The following CACNB2 variants were observed in gnomAD, a reference collection of about 807,000 sequenced individuals.
CACNB2 encodes the protein calcium voltage-gated channel auxiliary subunit beta 2.
Under a neutral mutation model 73.3 loss-of-function variants are expected in CACNB2, and 42 were observed. The ratio of observed to expected loss-of-function variants is 0.57; its 90% CI spans 0.45 to 0.74. CACNB2 has a LOEUF of 0.74. Ranked by LOEUF, CACNB2 falls within the 30% of genes least tolerant of loss-of-function variation. The pLI, the probability that CACNB2 is intolerant of heterozygous loss-of-function variation, is 0.00. For synonymous variants in CACNB2, 348 were observed against 310.3 expected, an observed-to-expected ratio of 1.12 and a Z score of -1.28; for missense variants, 940 against 853.0, an observed-to-expected ratio of 1.10 and a Z score of -1.27.
intron 2 of CACNB2, among the ~76,000 whole-genome samples, chr10:18,211,126 T>G (rs2035299345): frequency 6.6e-6 from 1 of 152,122 alleles, no homozygotes; most frequent in Admixed American, 6.6e-5. Context: ...TAAACAGACT[T>G]GGAGGCGGAG....
At chr10:18,376,340 A>G (rs1387177392) in intron 2 of CACNB2, among the ~76,000 whole-genome samples, 1 of 152,190 alleles carries the variant, frequency 6.6e-6, no homozygotes, top group East Asian at 1.9e-4. Context: ...AGCATGTACC[A>G]GAGACTGGGA....
At chr10:18,151,987 A>G (rs539439724) in intron 2 of CACNB2, among the ~76,000 whole-genome samples, 2 of 152,148 alleles carry the variant, frequency 1.3e-5, no homozygotes, top group South Asian at 2.1e-4. Context: ...TATAAATCCT[A>G]TATGACCTTT....
chr10:18,153,860 G>A (rs1007437350), intron 2 of CACNB2, among the ~76,000 whole-genome samples: 1 of 147,652 alleles, frequency 6.8e-6, no homozygotes, highest in African/African-American at 2.5e-5. Context: ...GGGATTACAG[G>A]CATGAGCAAC....
intron 1 of CACNB2, among the ~76,000 whole-genome samples, chr10:18,143,088 T>G (rs765603892): frequency 1.3e-5 from 2 of 152,186 alleles, no homozygotes; most frequent in African/African-American, 2.4e-5. Context: ...AAGAGCATGG[T>G]AAGGTCAAGA....
At chr10:18,241,083 A>G (rs2036631096) in intron 2 of CACNB2, among the ~76,000 whole-genome samples, 1 of 152,206 alleles carries the variant, frequency 6.6e-6, no homozygotes, top group Non-Finnish European at 1.5e-5. Flanking sequence ...ACTCAAAAAC[A>G]TGCAACCATT....
intron 2 of CACNB2, among the ~76,000 whole-genome samples, chr10:18,171,572 T>C (rs1276282689): frequency 1.7e-5 from 2 of 120,034 alleles, no homozygotes; most frequent in Non-Finnish European, 3.7e-5. Flanking sequence ...TTCTTCATCC[T>C]TCTTAATTCC....
Position 18,196,242 on chromosome 10 carries a change from G to A in CACNB2, c.213+45267G>A, listed in dbSNP as rs1304927200. Among the ~76,000 whole-genome samples the A allele has an allele frequency of 3.3e-5, 5 of 151,182 alleles. 1 individual carries two copies. The highest frequency in any genetic ancestry group is 3.4e-3 in the Middle Eastern group (1 of 292). On this transcript the variant is annotated intron_variant, in intron 2 of 13. Transcript: ENST00000324631. ...TGTGGCTTCAAAGTTGACTTTAACCGACACTACTAAGCTGTTTAACAATAC... is the reference window on the plus strand; with the variant it reads ...TGTGGCTTCAAAGTTGACTTTAACCAACACTACTAAGCTGTTTAACAATAC...
At chr10:18,416,179 A>G (rs1168589340) in intron 3 of CACNB2, among the ~76,000 whole-genome samples, 1 of 151,552 alleles carries the variant, frequency 6.6e-6, no homozygotes, top group Non-Finnish European at 1.5e-5. Flanking sequence ...TCAGTCTGTT[A>G]TTTTTCCACT....
intron 2 of CACNB2, among the ~76,000 whole-genome samples, chr10:18,352,107 A>G (rs903723630): frequency 6.6e-6 from 1 of 152,228 alleles, no homozygotes; most frequent in Admixed American, 6.5e-5. Context: ...CATTCAACCT[A>G]AAAGTACAAC....
chr10:18,245,766 G>A (rs553722397), intron 2 of CACNB2, among the ~76,000 whole-genome samples: 4 of 151,974 alleles, frequency 2.6e-5, no homozygotes, highest in Non-Finnish European at 5.9e-5. Flanking sequence ...CTCCAGCAAG[G>A]TATAGTCTAG....
At chr10:18,298,618 G>T (rs959860841) in intron 2 of CACNB2, among the ~76,000 whole-genome samples, 5 of 152,192 alleles carry the variant, frequency 3.3e-5, no homozygotes, top group Non-Finnish European at 7.3e-5. Context: ...TCTATATCCG[G>T]TTTGGGGATT....
intron 3 of CACNB2, among the ~76,000 whole-genome samples, chr10:18,444,773 C>T (rs530208819): frequency 6.6e-5 from 10 of 152,284 alleles, no homozygotes; most frequent in African/African-American, 2.4e-4. Flanking sequence ...TAGCTAGCTT[C>T]CTTCTCCCCT....
At chr10:18,472,256 A>C (rs1400598567) in intron 3 of CACNB2, among the ~76,000 whole-genome samples, 1 of 80,564 alleles carries the variant, frequency 1.2e-5, no homozygotes, top group East Asian at 3.8e-4. Context: ...TTTTTTTTTG[A>C]CATGGAGTCT....
intron 2 of CACNB2, among the ~76,000 whole-genome samples, chr10:18,393,903 C>T (rs1418325912): frequency 6.6e-6 from 1 of 152,090 alleles, no homozygotes; most frequent in Non-Finnish European, 1.5e-5. Flanking sequence ...AATGAGCCCT[C>T]GGTGTACTTT....
intron 2 of CACNB2, among the ~76,000 whole-genome samples, chr10:18,249,506 C>T (rs1468455470): frequency 6.6e-6 from 1 of 152,184 alleles, no homozygotes; most frequent in Admixed American, 6.5e-5. Flanking sequence ...AAATTGTTCA[C>T]CTCGCTCTCT....
At chr10:18,372,082 C>T (rs1019239525) in intron 2 of CACNB2, among the ~76,000 whole-genome samples, 2 of 152,010 alleles carry the variant, frequency 1.3e-5, no homozygotes, top group African/African-American at 4.8e-5. Flanking sequence ...TGTTTGAGTT[C>T]TTTGTAGATT....
chr10:18,480,502 C>T (rs1024248153), intron 3 of CACNB2, among the ~76,000 whole-genome samples: 7 of 152,166 alleles, frequency 4.6e-5, no homozygotes, highest in African/African-American at 1.4e-4. Context: ...GAATAATAGC[C>T]TCACAGAGCA....
intron 2 of CACNB2, among the ~76,000 whole-genome samples, chr10:18,337,445 A>G (rs965836207): frequency 6.6e-6 from 1 of 152,172 alleles, no homozygotes; most frequent in Admixed American, 6.5e-5. Flanking sequence ...AGCATTTGTT[A>G]TGTAATGGAA....
Position 18,140,704 on chromosome 10 carries a change from C to T in CACNB2, c.-33C>T. ...GGAGGAGGGGACCCGCCGCCGGGGG[C>T]TGGCTGCTTCGCTCCGAGCCGACTT... On this transcript the variant is annotated 5_prime_UTR_variant, in exon 1 of 14. Coordinates refer to ENST00000324631, the MANE Select transcript of CACNB2 (RefSeq NM_201596.3). The T allele has an allele frequency of 6.4e-7, 1 of 1,571,362 alleles. No homozygotes were observed.
Sources: gnomAD v4.1 joint callset for allele counts (sites outside exome capture counted in the v4.1 genomes callset) on GRCh38, gnomAD v4.1.1 for gene constraint, MANE v1.5 for transcripts, NCBI Gene and HGNC (gene_info 2026-07-23, HGNC 2026-07-21) for gene names.